Variants in DNM2 observed in about 807,000 individuals in gnomAD.
The protein encoded by DNM2 is dynamin 2, also known as dynamin-2.
A neutral mutation model predicts 99.0 loss-of-function variants in DNM2; 15 were observed. The ratio of observed to expected loss-of-function variants is 0.15; its 90% CI spans 0.10 to 0.23. DNM2 has a LOEUF of 0.23. Among genes scored for constraint, DNM2 ranks in the 10% least tolerant of loss-of-function variants. The probability of loss-of-function intolerance (pLI) is 1.00; values close to 1 mark genes in which losing one functional copy is unlikely to be tolerated. For missense variants in DNM2, 742 were observed against 1,189.4 expected (o/e 0.62, Z 5.53); for synonymous variants, 525 against 481.2 (o/e 1.09, Z -1.19).
intron 2 of DNM2, among the ~76,000 whole-genome samples, chr19:10,761,341 T>C (rs2070626337): frequency 6.6e-6 from 1 of 152,102 alleles, no homozygotes; most frequent in African/African-American, 2.4e-5. Flanking sequence ...CTGTTGAATA[T>C]AGTATGGCCT....
intron 2 of DNM2, among the ~76,000 whole-genome samples, chr19:10,771,198 A>G (rs2070965949): frequency 6.6e-6 from 1 of 152,204 alleles, no homozygotes; most frequent in Non-Finnish European, 1.5e-5. Flanking sequence ...TGGAAACGTC[A>G]AGGCTTTGTA....
At position 10,783,699 on chromosome 19, in the gene DNM2, A is replaced by ATTT. The variant is rs35245958; in HGVS notation, c.849+581_849+582insTTT. On this transcript the variant is annotated intron_variant, in intron 6 of 20. Transcript: ENST00000389253. ...ATTTATTATTATTATTATTATTATT[A>ATTT]TTATTATTTTTTATTTTTGGAGACA... 7.6e-3 allele frequency among the ~76,000 whole-genome samples: 1,076 copies of ATTT among 141,554 alleles called. 35 individuals are homozygous for ATTT. Among genetic ancestry groups the ATTT allele is most frequent in the African/African-American group, 0.027 (972 of 36,520 alleles). 92.9% of individuals were successfully genotyped at this position (141,554 alleles called of 152,430 possible).
chr19:10,757,741 G>A (rs12462213), intron 1 of DNM2, among the ~76,000 whole-genome samples: 32 of 152,004 alleles, frequency 2.1e-4, no homozygotes, highest in African/African-American at 5.8e-4. Context: ...GGTTGAGTTC[G>A]AGACCACTCT....
intron 10 of DNM2, 54 bp downstream of exon 10, chr19:10,797,572 G>T: frequency 6.2e-7 from 1 of 1,613,114 alleles, no homozygotes; most frequent in Non-Finnish European, 8.5e-7. Context: ...CCCTCCATGT[G>T]TTAGTCTCAA....
intron 3 of DNM2, among the ~76,000 whole-genome samples, chr19:10,773,314 A>G (rs1282550327): frequency 6.6e-6 from 1 of 151,596 alleles, no homozygotes; most frequent in Non-Finnish European, 1.5e-5. Flanking sequence ...CGCCTGGCAA[A>G]TTTTTTGTAT....
intron 6 of DNM2, among the ~76,000 whole-genome samples, chr19:10,785,486 A>AGTGAC (rs1180645251): frequency 2.0e-5 from 3 of 152,112 alleles, no homozygotes; most frequent in Non-Finnish European, 2.9e-5. Context: ...AATGGATTGC[A>AGTGAC]GTGACACAAA....
In DNM2 at chr19:10,830,510, T is replaced by C. The variant is rs938376209; in HGVS notation, c.2543+132T>C. The C allele has an allele frequency of 2.1e-5, 24 of 1,136,306 alleles. No individual in the cohort carries two copies. The highest frequency in any genetic ancestry group is 2.8e-5 in the Non-Finnish European group (23 of 808,712). The allele number at this position is 1,136,306 out of a possible 1,614,324, so 70.4% of individuals were successfully genotyped here. A position where few individuals can be genotyped will look rare whatever the true frequency, so the allele number is the denominator to read the frequency against. ...TGGAGGAATCGTCCTCATCCCTATT[T>C]GGCTTGCGAGGAAACAGGCCCAGAG... On this transcript the variant is annotated intron_variant, in intron 20 of 20. Coordinates refer to ENST00000389253, the MANE Select transcript of DNM2 (RefSeq NM_001005361.3). The surrounding 1 kb of genome is among the most constrained non-coding windows in gnomAD (Gnocchi z 4.8).
At chr19:10,725,445 CAA>C (rs35718224) in intron 1 of DNM2, among the ~76,000 whole-genome samples, 28 of 83,926 alleles carry the variant, frequency 3.3e-4, no homozygotes, top group Admixed American at 5.5e-4. Context: ...GACTCCATCT[CAA>C]AAAAAAAAAA....
chr19:10,797,293 C>T, intron 9 of DNM2, 87 bp from the exon 10 acceptor site: 1 of 1,573,104 alleles, frequency 6.4e-7, no homozygotes, highest in Non-Finnish European at 8.6e-7. Flanking sequence ...CTCGTTTCTT[C>T]TCTTCTCTCT....
At chr19:10,804,124 T>G (rs2072254509) in intron 12 of DNM2, among the ~76,000 whole-genome samples, 1 of 151,698 alleles carries the variant, frequency 6.6e-6, no homozygotes, top group Admixed American at 6.6e-5. Context: ...CAGGGGAGGA[T>G]TTTGGATTTT....
intron 1 of DNM2, among the ~76,000 whole-genome samples, chr19:10,728,522 G>C (rs1189799609): frequency 1.3e-5 from 2 of 152,162 alleles, no homozygotes; most frequent in East Asian, 3.8e-4. Flanking sequence ...AGCAACGCGT[G>C]GCTTTGGATA....
intron 16 of DNM2, among the ~76,000 whole-genome samples, chr19:10,822,827 C>T (rs1009257062): frequency 5.3e-5 from 8 of 149,682 alleles, no homozygotes; most frequent in Non-Finnish European, 1.2e-4. Context: ...AACACACAGG[C>T]CGGGCACGGG....
rs189966444 is a variant in DNM2 at position 10,746,167 on chromosome 19, G to A, written c.162-13571G>A. On this transcript the variant is annotated intron_variant, in intron 1 of 20. Coordinates refer to ENST00000389253, the MANE Select transcript of DNM2 (RefSeq NM_001005361.3). Reference sequence around the variant, plus strand: ...GTAGAGACAAGGTTTCACCATGTTGGCCAGGCTGCTCTCGAACTCTGGACC... The same window carrying A: ...GTAGAGACAAGGTTTCACCATGTTGACCAGGCTGCTCTCGAACTCTGGACC... 1.1e-3 allele frequency among the ~76,000 whole-genome samples: 160 copies of A among 152,268 alleles called. 1 individual carries two copies. The highest frequency in any genetic ancestry group is 3.4e-3 in the Middle Eastern group (1 of 294).
In DNM2 at chr19:10,788,398, G is replaced by A. The variant is rs569992304; in HGVS notation, c.992+1692G>A. The stretch of plus-strand genomic sequence containing the variant: ...CCTGTGGCTGGATGGAGTGAGTGAG[G>A]GGAGTGGGAGGAGGTGATAGAGCAG... On this transcript the variant is annotated intron_variant, in intron 7 of 20. Transcript: ENST00000389253. 5.3e-5 allele frequency among the ~76,000 whole-genome samples: 8 copies of A among 152,316 alleles called. 1 individual carries two copies. The South Asian group carries it at 1.7e-3, about 32-fold the overall frequency.
At chr19:10,788,232 C>CAAAAAAAA (rs55881063) in intron 7 of DNM2, among the ~76,000 whole-genome samples, 1 of 56,986 alleles carries the variant, frequency 1.8e-5, no homozygotes, top group Non-Finnish European at 3.5e-5. Flanking sequence ...GACTCCGTCT[C>CAAAAAAAA]AAAAAAAAAA....
In DNM2 at chr19:10,816,001, C is replaced by T. The variant is rs2072725834; in HGVS notation, c.1671+3624C>T. Among the ~76,000 whole-genome samples the T allele has an allele frequency of 6.6e-6, 1 of 152,122 alleles. No homozygotes were observed. Among genetic ancestry groups the T allele is most frequent in the African/African-American group, 2.4e-5 (1 of 41,432 alleles). ...GCTAAGAGAGCCCACTGAGGCCACACCTGAGGAGAACCCTACTCCCCGTGA... is the reference window on the plus strand; with the variant it reads ...GCTAAGAGAGCCCACTGAGGCCACATCTGAGGAGAACCCTACTCCCCGTGA... On this transcript the variant is annotated intron_variant, in intron 15 of 20. Coordinates refer to ENST00000389253, the MANE Select transcript of DNM2 (RefSeq NM_001005361.3). This position sits in a 1 kb window ranked among gnomAD's most constrained non-coding sequence, Gnocchi z 4.6.
rs551756454 is a variant in DNM2 at position 10,743,972 on chromosome 19, C to T, written c.162-15766C>T. ...TTGCACTCCAGCCAGGGCAGCAGAG[C>T]GAGACTGTTTCCAGAAAAAAAAAAA... On this transcript the variant is annotated intron_variant, in intron 1 of 20. Coordinates refer to ENST00000389253, the MANE Select transcript of DNM2 (RefSeq NM_001005361.3). 3.1e-4 allele frequency among the ~76,000 whole-genome samples: 46 copies of T among 147,480 alleles called. 1 individual carries two copies. In the South Asian group the frequency reaches 6.2e-3, roughly 20 times the overall value.
intron 6 of DNM2, among the ~76,000 whole-genome samples, chr19:10,785,306 T>C (rs111842012): frequency 0.015 from 2,291 of 151,792 alleles, 61 homozygotes; most frequent in African/African-American, 0.052. Flanking sequence ...TTTTTGTATT[T>C]TTAGTAGAGA....
chr19:10,731,167 C>T (rs916429404), intron 1 of DNM2, among the ~76,000 whole-genome samples: 5 of 151,988 alleles, frequency 3.3e-5, no homozygotes, highest in Non-Finnish European at 7.4e-5. Context: ...CTGGGGAAAG[C>T]CCCCAGGGCG....
Sources: allele counts gnomAD v4.1 joint callset (sites outside exome capture counted in the v4.1 genomes callset), GRCh38; gene constraint gnomAD v4.1.1; non-coding constraint Gnocchi (gnomAD v3.1); transcripts MANE v1.5; gene names NCBI Gene and HGNC (gene_info 2026-07-23, HGNC 2026-07-21).